ROBO2: variants seen among roughly 807,000 people sequenced by gnomAD.
The protein encoded by ROBO2 is roundabout guidance receptor 2.
ROBO2 carries 53 observed loss-of-function variants against 160.8 expected under a neutral mutation model. The observed-to-expected ratio is 0.33, with a 90% CI of 0.26 to 0.41. ROBO2 has a LOEUF of 0.41. Ranked by LOEUF, ROBO2 falls within the 10% of genes least tolerant of loss-of-function variation. The pLI, the probability that ROBO2 is intolerant of heterozygous loss-of-function variation, is 1.00. For missense variants in ROBO2, 1,577 were observed against 1,722.4 expected, an observed-to-expected ratio of 0.92 and a Z score of 1.49; for synonymous variants, 664 against 611.7, an observed-to-expected ratio of 1.09 and a Z score of -1.26.
At chr3:76,403,582 T>C (rs566437346) in intron 2 of ROBO2, among the ~76,000 whole-genome samples, 28 of 151,584 alleles carry the variant, frequency 1.8e-4, no homozygotes, top group South Asian at 6.2e-4. Context: ...AACCACAATG[T>C]TTACTCCACT....
chr3:77,534,223 A>C (rs183413001), intron 6 of ROBO2, among the ~76,000 whole-genome samples: 2 of 152,204 alleles, frequency 1.3e-5, no homozygotes, highest in Admixed American at 1.3e-4. Flanking sequence ...CAATACAGGA[A>C]AGTGAAGCCT....
intron 2 of ROBO2, among the ~76,000 whole-genome samples, chr3:76,317,232 T>C (rs925670179): frequency 6.6e-6 from 1 of 152,200 alleles, no homozygotes; most frequent in African/African-American, 2.4e-5. Context: ...CATGGAAAAA[T>C]AGACTGGTAA....
At chr3:77,323,196 A>G (rs1327899242) in intron 2 of ROBO2, among the ~76,000 whole-genome samples, 1 of 150,864 alleles carries the variant, frequency 6.6e-6, no homozygotes, top group East Asian at 1.9e-4. Context: ...CCATAAACAT[A>G]TTTCCCACAC....
At chr3:76,030,297 T>G (rs944673064) in intron 2 of ROBO2, among the ~76,000 whole-genome samples, 1 of 150,570 alleles carries the variant, frequency 6.6e-6, no homozygotes, top group Non-Finnish European at 1.5e-5. Flanking sequence ...TTGCAAAAAT[T>G]TTCTCCCGTT....
chr3:77,233,784 C>T (rs555332273), intron 2 of ROBO2, among the ~76,000 whole-genome samples: 2 of 151,756 alleles, frequency 1.3e-5, no homozygotes, highest in South Asian at 4.2e-4. Flanking sequence ...TATTAATTAC[C>T]TTATATCTGG....
At chr3:77,063,431 A>G (rs561070285) in intron 1 of ROBO2, among the ~76,000 whole-genome samples, 1 of 152,314 alleles carries the variant, frequency 6.6e-6, no homozygotes, top group South Asian at 2.1e-4. Context: ...TTAGGGAGAT[A>G]ATTAGGAGTT....
At chr3:77,435,732 A>G (rs2079210715) in intron 2 of ROBO2, among the ~76,000 whole-genome samples, 1 of 151,838 alleles carries the variant, frequency 6.6e-6, no homozygotes, top group South Asian at 2.1e-4. Context: ...GTGTATGTGC[A>G]GCATAGACCA....
At position 76,977,021 on chromosome 3, in the gene ROBO2, C is replaced by T. The variant is rs1286980881; in HGVS notation, c.110-120993C>T. ...CTAGACTTTGGTTTATATTTTAATG[C>T]TTCCATTTGCTATTCATGTTGGAAA... On this transcript the variant is annotated intron_variant, in intron 2 of 26. Transcript: ENST00000487694. Among the ~76,000 whole-genome samples the T allele has an allele frequency of 2.6e-5, 4 of 152,124 alleles. No individual in the cohort carries two copies. In the East Asian group the frequency reaches 7.7e-4, roughly 29 times the overall value.
At chr3:76,946,610 G>C (rs930259618) in intron 2 of ROBO2, among the ~76,000 whole-genome samples, 1 of 152,000 alleles carries the variant, frequency 6.6e-6, no homozygotes, top group Non-Finnish European at 1.5e-5. Flanking sequence ...GCTAATTTTT[G>C]TATTTTTAGT....
At chr3:76,727,211 A>G (rs2093565953) in intron 2 of ROBO2, among the ~76,000 whole-genome samples, 1 of 152,192 alleles carries the variant, frequency 6.6e-6, no homozygotes, top group African/African-American at 2.4e-5. Flanking sequence ...GCTAGACTCT[A>G]AGAATAAAGT....
At chr3:75,976,037 T>A (rs2065124536) in intron 2 of ROBO2, among the ~76,000 whole-genome samples, 1 of 151,558 alleles carries the variant, frequency 6.6e-6, no homozygotes, top group Non-Finnish European at 1.5e-5. Flanking sequence ...AGAAGTCCCA[T>A]TGCCAGGTAA....
intron 2 of ROBO2, among the ~76,000 whole-genome samples, chr3:77,383,129 T>G (rs2073727014): frequency 1.3e-5 from 2 of 152,170 alleles, no homozygotes; most frequent in South Asian, 4.1e-4. Context: ...TTCAGCTACT[T>G]CACTGGAAAT....
intron 5 of ROBO2, among the ~76,000 whole-genome samples, chr3:77,497,279 A>T (rs2153603829): frequency 6.6e-6 from 1 of 152,264 alleles, no homozygotes; most frequent in Non-Finnish European, 1.5e-5. Flanking sequence ...TAGGGACAAA[A>T]ATTTCATAAC....
At chr3:77,445,993 G>T (rs2080468376) in intron 2 of ROBO2, among the ~76,000 whole-genome samples, 1 of 151,724 alleles carries the variant, frequency 6.6e-6, no homozygotes, top group Admixed American at 6.6e-5. Flanking sequence ...TATTCTTCGG[G>T]TTTGTGAGAT....
chr3:77,072,125 C>T (rs1162473884), intron 1 of ROBO2, among the ~76,000 whole-genome samples: 2 of 152,066 alleles, frequency 1.3e-5, no homozygotes, highest in Non-Finnish European at 2.9e-5. Context: ...AGCGAGAACC[C>T]TGTTTGTGAA....
intron 2 of ROBO2, among the ~76,000 whole-genome samples, chr3:77,441,056 G>C (rs755911997): frequency 6.6e-6 from 1 of 151,866 alleles, no homozygotes; most frequent in Admixed American, 6.6e-5. Context: ...AATGTCCAAG[G>C]GAAGACTGAC....
rs372215718 is a variant in ROBO2 at position 76,256,299 on chromosome 3, GTCTCTCTCTCTCTCTCTCTCTC to G, written c.109+318730_109+318751del. On this transcript the variant is annotated intron_variant, in intron 2 of 26. Coordinates refer to the ROBO2 transcript ENST00000487694. ...CACTGCAGCCTGGGTGACAGAGTGA[GTCTCTCTCTCTCTCTCTCTCTC>G]TCTCTCTCTCTCTCTCTCTCTCTCT... Among the ~76,000 whole-genome samples the G allele has an allele frequency of 5.9e-3, 547 of 92,554 alleles. 9 individuals carry two copies. Among genetic ancestry groups the G allele is most frequent in the Admixed American group, 0.041 (325 of 7,880 alleles). The allele number at this position is 92,554 out of a possible 152,430, so 60.7% of individuals were successfully genotyped here. A position where few individuals can be genotyped will look rare whatever the true frequency, so the allele number is the denominator to read the frequency against.
chr3:77,613,295 G>T (rs1440914884), intron 21 of ROBO2, among the ~76,000 whole-genome samples: 1 of 151,556 alleles, frequency 6.6e-6, no homozygotes, highest in Non-Finnish European at 1.5e-5. Context: ...TACCTATGGA[G>T]TTTCAGAAAA....
intron 2 of ROBO2, among the ~76,000 whole-genome samples, chr3:76,752,603 A>G (rs1576424623): frequency 6.6e-6 from 1 of 151,890 alleles, no homozygotes; most frequent in Non-Finnish European, 1.5e-5. Context: ...TTAAAGAATT[A>G]GAATCACATT....
Sources: gnomAD v4.1 joint callset for allele counts (sites outside exome capture counted in the v4.1 genomes callset) on GRCh38, gnomAD v4.1.1 for gene constraint, MANE v1.5 for transcripts, NCBI Gene and HGNC (gene_info 2026-07-23, HGNC 2026-07-21) for gene names.